Variants in RYR3 observed in about 807,000 individuals in gnomAD.
RYR3 encodes the protein brain ryanodine receptor-calcium release channel.
Under a neutral mutation model 584.3 loss-of-function variants are expected in RYR3, and 207 were observed. The ratio of observed to expected loss-of-function variants is 0.35; its 90% CI spans 0.32 to 0.40. The LOEUF is 0.40. Among genes scored for constraint, RYR3 ranks in the 10% least tolerant of loss-of-function variants. The probability of loss-of-function intolerance (pLI) is 1.00; values close to 1 mark genes in which losing one functional copy is unlikely to be tolerated. For synonymous variants in RYR3, 2,416 were observed against 2,248.5 expected (o/e 1.07, Z -2.11); for missense variants, 5,616 against 6,089.2 (o/e 0.92, Z 2.59).
chr15:33,697,811 G>A (rs1357058035), intron 39 of RYR3, 71 bp from the exon 40 acceptor site: 5 of 938,590 alleles, frequency 5.3e-6, no homozygotes, highest in Non-Finnish European at 7.0e-6. Flanking sequence ...GTGTTTGTGT[G>A]TTCTCATCCC....
intron 60 of RYR3, among the ~76,000 whole-genome samples, chr15:33,766,621 G>A (rs571931320): frequency 9.2e-5 from 14 of 152,310 alleles, no homozygotes; most frequent in Non-Finnish European, 8.8e-5. Context: ...CATTTGTCAC[G>A]GCTGGAATAC....
intron 94 of RYR3, 26 bp from the exon 95 acceptor site, chr15:33,853,019 C>G (rs1182196740): frequency 6.3e-7 from 1 of 1,594,190 alleles, no homozygotes. Context: ...GAATGAAGAA[C>G]CAACCTTTTT....
At chr15:33,589,011 T>G (rs1441724085) in intron 16 of RYR3, among the ~76,000 whole-genome samples, 1 of 152,216 alleles carries the variant, frequency 6.6e-6, no homozygotes, top group Non-Finnish European at 1.5e-5. Flanking sequence ...TAGATCTATT[T>G]TTAGTTCTTT....
At chr15:33,518,687 T>G (rs1473249040) in intron 3 of RYR3, among the ~76,000 whole-genome samples, 3 of 152,204 alleles carry the variant, frequency 2.0e-5, no homozygotes, top group African/African-American at 7.2e-5. Context: ...CATTCATAGA[T>G]CAGCAAAGGA....
At chr15:33,379,666 C>T (rs200934686) in intron 1 of RYR3, among the ~76,000 whole-genome samples, 131 of 129,242 alleles carry the variant, frequency 1.0e-3, no homozygotes, top group African/African-American at 3.2e-3. Context: ...TGTGTGTGTC[C>T]CTCTCTCTCT....
intron 3 of RYR3, among the ~76,000 whole-genome samples, chr15:33,528,303 C>T (rs1471261931): frequency 6.6e-6 from 1 of 152,146 alleles, no homozygotes; most frequent in Non-Finnish European, 1.5e-5. Flanking sequence ...TACTCCTGTT[C>T]ATCCACCCCA....
chr15:33,534,299 G>T (rs2141085673), intron 5 of RYR3, among the ~76,000 whole-genome samples: 1 of 152,370 alleles, frequency 6.6e-6, no homozygotes, highest in Non-Finnish European at 1.5e-5. Flanking sequence ...TACTCAGGAG[G>T]CTGAGGTGGG....
intron 27 of RYR3, among the ~76,000 whole-genome samples, chr15:33,643,847 C>T (rs1430828886): frequency 6.6e-6 from 1 of 152,166 alleles, no homozygotes; most frequent in East Asian, 1.9e-4. Context: ...ACATATTCAT[C>T]ATCTCACATA....
At chr15:33,640,702 C>T (rs1356672479) in intron 27 of RYR3, among the ~76,000 whole-genome samples, 1 of 152,180 alleles carries the variant, frequency 6.6e-6, no homozygotes, top group Non-Finnish European at 1.5e-5. Context: ...GGGTCCTGTA[C>T]AAAATGTAAA....
At chr15:33,817,178 T>C (rs746895773) in intron 75 of RYR3, among the ~76,000 whole-genome samples, 2 of 152,202 alleles carry the variant, frequency 1.3e-5, no homozygotes, top group African/African-American at 2.4e-5. Flanking sequence ...GTCCTCCTCA[T>C]TGTCGCTGTT....
chr15:33,864,162 T>C lies in RYR3; in HGVS notation c.14490T>C (p.Asn4830=), dbSNP rs757023207. The change falls in exon 103 of 104, where the codon AAT becomes AAC. Residue 4830 remains asparagine (N), a synonymous_variant. Transcript: ENST00000634891. ...NYLFFLMYLI[N]KDETEHTGQE... ...GGTTCTTTCTGATGTATTTGATTAA[T>C]AAAGATGAAACAGAGCACACGGGTC... is the stretch of plus-strand genomic sequence containing the variant. 1.7e-5 allele frequency: 28 copies of C among 1,612,216 alleles called. No individual in the cohort carries two copies. In the East Asian group the frequency reaches 5.3e-4, roughly 31 times the overall value.
intron 2 of RYR3, among the ~76,000 whole-genome samples, chr15:33,499,845 A>T (rs1323351449): frequency 6.6e-6 from 1 of 152,224 alleles, no homozygotes; most frequent in Non-Finnish European, 1.5e-5. Flanking sequence ...TGGTGCCTTC[A>T]GAGCCATTGA....
Position 33,629,579 on chromosome 15 carries a change from C to T in RYR3, c.2680-361C>T, listed in dbSNP as rs2152626809. On this transcript the variant is annotated intron_variant, in intron 21 of 103. Transcript: ENST00000634891. Reference sequence around the variant, plus strand: ...TTGGTTCTACTGCACAACACTGGTCCAGATTCTGTAGCCTGTCCTATGCTG... The same window carrying T: ...TTGGTTCTACTGCACAACACTGGTCTAGATTCTGTAGCCTGTCCTATGCTG... Among the ~76,000 whole-genome samples, 2 of 152,312 alleles carry T rather than the reference C, an allele frequency of 1.3e-5. 1 individual carries two copies. Among genetic ancestry groups the T allele is most frequent in the South Asian group, 4.1e-4 (2 of 4,820 alleles).
At position 33,635,653 on chromosome 15, in the gene RYR3, G is replaced by T. The variant is rs373473539; in HGVS notation, c.3215G>T (p.Arg1072Leu). Residue 1072 changes from arginine to leucine, a missense_variant, in exon 26 of 104, where the codon CGA (arginine) becomes CTA (leucine). Transcript: ENST00000634891. ...AVEKVSIDKIRFFRVERSYAV... is the reference protein window; with the variant it reads ...AVEKVSIDKILFFRVERSYAV... The stretch of plus-strand genomic sequence containing the variant: ...GAGAAGGTCAGCATAGACAAGATCC[G>T]ATTTTTCCGGGTAGAGCGATCTTAT... 3 of 1,613,936 alleles carry T rather than the reference G, an allele frequency of 1.9e-6. No homozygotes were observed. The African/African-American group carries it at 4.0e-5, about 22-fold the overall frequency.
chr15:33,420,553 A>G (rs2044167245), intron 1 of RYR3, among the ~76,000 whole-genome samples: 1 of 152,164 alleles, frequency 6.6e-6, no homozygotes. Context: ...GTAGAAATCT[A>G]TCCTTATTTT....
rs573189046 is a variant in RYR3, at chr15:33,573,001, GATAAA to G, written c.1268+6208_1268+6212del. Among the ~76,000 whole-genome samples, 218 of 152,134 alleles carry G rather than the reference GATAAA, an allele frequency of 1.4e-3. 1 individual carries two copies. Among genetic ancestry groups the G allele is most frequent in the African/African-American group, 5.1e-3 (211 of 41,510 alleles). The stretch of plus-strand genomic sequence containing the variant: ...AAAAATAAATAAAAAATAAAAATAA[GATAAA>G]ATAAATACTTGATTTTTTGTATGCC... On this transcript the variant is annotated intron_variant, in intron 12 of 103. Coordinates refer to ENST00000634891, the MANE Select transcript of RYR3 (RefSeq NM_001036.6).
chr15:33,328,190 T>C (rs1913424), intron 1 of RYR3, among the ~76,000 whole-genome samples: 26,819 of 152,198 alleles, frequency 0.18, 2,886 homozygotes, highest in East Asian at 0.32. Flanking sequence ...AACATAAGTT[T>C]ATTTGAAATC....
chr15:33,507,375 G>A (rs1243297646), intron 3 of RYR3, among the ~76,000 whole-genome samples: 1 of 152,188 alleles, frequency 6.6e-6, no homozygotes, highest in Admixed American at 6.5e-5. Context: ...AGGACCTGGA[G>A]CAGAGAACAT....
At chr15:33,836,835 C>G (rs2078085454) in intron 87 of RYR3, 71 bp from the exon 88 acceptor site, 1 of 1,247,436 alleles carries the variant, frequency 8.0e-7, no homozygotes, top group Admixed American at 1.9e-5. Flanking sequence ...AGAGCAGGCT[C>G]TTCTCGCTCA....
Sources: gnomAD v4.1 joint callset for allele counts (sites outside exome capture counted in the v4.1 genomes callset) on GRCh38, gnomAD v4.1.1 for gene constraint, MANE v1.5 for transcripts, NCBI Gene and HGNC (gene_info 2026-07-23, HGNC 2026-07-21) for gene names.